Variants in KIAA1958 observed in about 807,000 individuals in gnomAD.
KIAA1958 encodes the protein KIAA1958.
KIAA1958 carries 14 observed loss-of-function variants against 47.2 expected under a neutral mutation model. The ratio of observed to expected loss-of-function variants is 0.30; its 90% CI spans 0.20 to 0.46. KIAA1958 has a LOEUF of 0.46. Ranked by LOEUF, KIAA1958 falls within the 20% of genes least tolerant of loss-of-function variation. The pLI is 1.00. For missense variants in KIAA1958, 803 were observed against 909.2 expected, an observed-to-expected ratio of 0.88 and a Z score of 1.50; for synonymous variants, 354 against 353.3, an observed-to-expected ratio of 1.00 and a Z score of -0.02.
chr9:112,638,801 A>G (rs191912367), intron 2 of KIAA1958, among the ~76,000 whole-genome samples: 24 of 151,224 alleles, frequency 1.6e-4, no homozygotes, highest in African/African-American at 5.6e-4. Flanking sequence ...TATTTTTTCT[A>G]TATTCTTTTC....
Position 112,574,453 on chromosome 9 carries a change from T to C in KIAA1958, c.373T>C (p.Cys125Arg). The change falls in exon 2 of 4, where the codon TGT becomes CGT. Residue 125 changes from cysteine to arginine, a missense_variant. This residue lies in a region of KIAA1958 where 761 missense variants were observed against 829.3 expected (regional missense o/e 0.92). Coordinates refer to ENST00000337530, the MANE Select transcript of KIAA1958 (RefSeq NM_133465.4). Reference protein sequence around the residue: ...RTRDSCDFSYCSEPSELDETV... With the variant: ...RTRDSCDFSYRSEPSELDETV... ...CAGAGACTCTTGTGACTTCTCCTAC[T>C]GTAGTGAGCCCTCTGAACTGGATGA... is the stretch of plus-strand genomic sequence containing the variant. 2 of 1,614,144 alleles carry C rather than the reference T, an allele frequency of 1.2e-6. No individual in the cohort carries two copies. Among genetic ancestry groups the C allele is most frequent in the Non-Finnish European group, 1.7e-6 (2 of 1,180,010 alleles).
chr9:112,495,870 G>A (rs764033377), intron 1 of KIAA1958, among the ~76,000 whole-genome samples: 3 of 152,142 alleles, frequency 2.0e-5, no homozygotes, highest in African/African-American at 4.8e-5. Flanking sequence ...CTTGATAAGC[G>A]CTTACATACT....
chr9:112,592,976 C>A (rs142058305), intron 2 of KIAA1958, among the ~76,000 whole-genome samples: 2 of 152,228 alleles, frequency 1.3e-5, no homozygotes, highest in African/African-American at 4.8e-5. Context: ...AGAAAAAAAG[C>A]TGTTTGTTTT....
At chr9:112,504,466 G>A (rs570718233) in intron 1 of KIAA1958, among the ~76,000 whole-genome samples, 54 of 152,250 alleles carry the variant, frequency 3.5e-4, no homozygotes, top group African/African-American at 1.3e-3. Context: ...TGGAATTGCA[G>A]GCGTGAGCCA....
In KIAA1958 at chr9:112,618,870, A is replaced by AT; in HGVS notation, c.1172-26777dup. 1 of 1,548,714 alleles carries AT rather than the reference A, an allele frequency of 6.5e-7. No individual in the cohort carries two copies. Among genetic ancestry groups the AT allele is most frequent in the Non-Finnish European group, 8.7e-7 (1 of 1,145,430 alleles). On this transcript the variant is annotated intron_variant, in intron 2 of 3. Transcript: ENST00000337530. The surrounding 1 kb of genome is among the most constrained non-coding windows in gnomAD (Gnocchi z 7.1). Reference sequence around the variant, plus strand: ...GTGGCCGGCCACTCCAACAATGGCAATTTCATCGTCTCCGCCTCCTATGAC... The same window carrying AT: ...GTGGCCGGCCACTCCAACAATGGCAATTTTCATCGTCTCCGCCTCCTATGAC...
At chr9:112,616,003 A>C (rs892926243) in intron 2 of KIAA1958, among the ~76,000 whole-genome samples, 1 of 152,228 alleles carries the variant, frequency 6.6e-6, no homozygotes, top group Non-Finnish European at 1.5e-5. Context: ...AAGTTAGAAG[A>C]CTGCTGTGAT....
rs981320699 is a variant in KIAA1958, at chr9:112,664,593, A to G, written c.*4524A>G. 6.6e-6 allele frequency: 1 copy of G among 152,236 alleles called. No individual in the cohort carries two copies. The highest frequency in any genetic ancestry group is 2.4e-5 in the African/African-American group (1 of 41,456). The allele number at this position is 152,236 out of a possible 1,614,324, so 9.4% of individuals were successfully genotyped here. On this transcript the variant is annotated 3_prime_UTR_variant, in exon 4 of 4. Transcript: ENST00000337530. ...TATGTATTAAATGTTTCAAACTTGTATATATTTTTGAATGCTTTTGTTTTT... is the reference window on the plus strand; with the variant it reads ...TATGTATTAAATGTTTCAAACTTGTGTATATTTTTGAATGCTTTTGTTTTT...
intron 1 of KIAA1958, among the ~76,000 whole-genome samples, chr9:112,561,840 G>A (rs1230264867): frequency 6.6e-6 from 1 of 152,216 alleles, no homozygotes. Flanking sequence ...GGGCAACAGA[G>A]TGACACTCTG....
chr9:112,636,943 A>C (rs1487843537), intron 2 of KIAA1958, among the ~76,000 whole-genome samples: 2 of 152,160 alleles, frequency 1.3e-5, no homozygotes, highest in Non-Finnish European at 2.9e-5. Context: ...TGATTAAACA[A>C]GTCTTTTTTA....
At chr9:112,490,994 G>GTC (rs1165929872) in intron 1 of KIAA1958, among the ~76,000 whole-genome samples, 2 of 152,172 alleles carry the variant, frequency 1.3e-5, no homozygotes, top group African/African-American at 4.8e-5. Flanking sequence ...TAGAGACACA[G>GTC]TCGCACTCTG....
chr9:112,541,156 C>T (rs1460917580), intron 1 of KIAA1958, among the ~76,000 whole-genome samples: 1 of 152,010 alleles, frequency 6.6e-6, no homozygotes, highest in African/African-American at 2.4e-5. Context: ...TGGCTTATTG[C>T]ATAGGTTAGA....
At chr9:112,520,808 G>T (rs983432245) in intron 1 of KIAA1958, among the ~76,000 whole-genome samples, 52 of 152,176 alleles carry the variant, frequency 3.4e-4, no homozygotes, top group African/African-American at 1.2e-3. Flanking sequence ...ATCCTTTTTA[G>T]ACCATCTGTG....
chr9:112,657,859 C>CTT (rs762027454), intron 3 of KIAA1958, among the ~76,000 whole-genome samples: 3 of 143,664 alleles, frequency 2.1e-5, no homozygotes, highest in Non-Finnish European at 4.6e-5. Context: ...CTTTTTCTTC[C>CTT]TTTTTTTTTT....
At position 112,492,995 on chromosome 9, in the gene KIAA1958, T is replaced by C. The variant is rs114382543; in HGVS notation, c.-25+5877T>C. ...TTGAACTCCTGGGCTCATGATATCC[T>C]CCTATCTGGGCCTCCCAAAGTGCTG... On this transcript the variant is annotated intron_variant, in intron 1 of 3. Coordinates refer to ENST00000337530, the MANE Select transcript of KIAA1958 (RefSeq NM_133465.4). Among the ~76,000 whole-genome samples the C allele has an allele frequency of 2.4e-3, 343 of 145,646 alleles. 1 individual carries two copies. Among genetic ancestry groups the C allele is most frequent in the African/African-American group, 8.4e-3 (328 of 39,126 alleles).
intron 2 of KIAA1958, among the ~76,000 whole-genome samples, chr9:112,632,931 G>A (rs962761380): frequency 7.0e-6 from 1 of 142,466 alleles, no homozygotes; most frequent in Non-Finnish European, 1.5e-5. Context: ...TTTAAAAAAA[G>A]AGCCATTTAG....
At chr9:112,610,100 A>G (rs1383401147) in intron 2 of KIAA1958, among the ~76,000 whole-genome samples, 1 of 152,214 alleles carries the variant, frequency 6.6e-6, no homozygotes. Context: ...TGGAAATGTT[A>G]TAACACTAAA....
In KIAA1958 at chr9:112,560,198, C is replaced by CTTTTTTT. The variant is rs745805478; in HGVS notation, c.-24-13856_-24-13850dup. 1.6e-4 allele frequency among the ~76,000 whole-genome samples: 17 copies of CTTTTTTT among 108,654 alleles called. 2 individuals carry two copies. The highest frequency in any genetic ancestry group is 4.8e-3 in the Middle Eastern group (1 of 208). The allele number at this position is 108,654 out of a possible 152,430, so 71.3% of individuals were successfully genotyped here. A position where few individuals can be genotyped will look rare whatever the true frequency, so the allele number is the denominator to read the frequency against. On this transcript the variant is annotated intron_variant, in intron 1 of 3. Coordinates refer to ENST00000337530, the MANE Select transcript of KIAA1958 (RefSeq NM_133465.4). ...TTGAAGCTGCTTTTTTTTTCTTTTT[C>CTTTTTTT]TTTTTTTTTCTTTTTTTGAAGAGAT...
chr9:112,618,552 A>G lies in KIAA1958; in HGVS notation c.1172-27098A>G. The G allele has an allele frequency of 1.3e-6, 2 of 1,550,694 alleles. No homozygotes were observed. Among genetic ancestry groups the G allele is most frequent in the Non-Finnish European group, 1.7e-6 (2 of 1,147,012 alleles). On this transcript the variant is annotated intron_variant, in intron 2 of 3. Coordinates refer to ENST00000337530, the MANE Select transcript of KIAA1958 (RefSeq NM_133465.4). The surrounding 1 kb of genome is among the most constrained non-coding windows in gnomAD (Gnocchi z 7.1). ...CACGCCCCACAGACCTGCCCTGTCC[A>G]GGACTATAAGGAGTATGCCCAGCGG...
chr9:112,649,413 C>T (rs183670279), intron 3 of KIAA1958, among the ~76,000 whole-genome samples: 6 of 152,042 alleles, frequency 3.9e-5, no homozygotes, highest in Admixed American at 3.3e-4. Flanking sequence ...CTGCCTTGGA[C>T]CTCCCAAAGT....
Sources: allele counts gnomAD v4.1 joint callset (sites outside exome capture counted in the v4.1 genomes callset), GRCh38; gene constraint gnomAD v4.1.1; regional missense constraint gnomAD v4.1.1; non-coding constraint Gnocchi (gnomAD v3.1); transcripts MANE v1.5; gene names NCBI Gene and HGNC (gene_info 2026-07-23, HGNC 2026-07-21).